ZMYM1: variants seen among roughly 807,000 people sequenced by gnomAD.
ZMYM1 encodes zinc finger MYM-type containing 1, also known as zinc finger MYM-type protein 1.
ZMYM1 carries 39 observed loss-of-function variants against 60.0 expected under a neutral mutation model. The observed-to-expected ratio is 0.65, with a 90% CI of 0.50 to 0.85. The LOEUF (loss-of-function observed/expected upper bound fraction) is 0.85, where lower values mean the gene tolerates loss of function less well. Ranked by LOEUF, ZMYM1 falls within the 40% of genes least tolerant of loss-of-function variation. The pLI, the probability that ZMYM1 is intolerant of heterozygous loss-of-function variation, is 0.00. For synonymous variants in ZMYM1, 413 were observed against 454.0 expected (o/e 0.91, Z 1.15); for missense variants, 1,171 against 1,309.5 (o/e 0.89, Z 1.63).
rs71029065 is a variant in ZMYM1, at chr1:35,089,738, C to CTTTTTTTTTTTTTTT, written c.-74-4165_-74-4151dup. 4.9e-5 allele frequency among the ~76,000 whole-genome samples: 3 copies of CTTTTTTTTTTTTTTT among 60,980 alleles called. 1 individual carries two copies. The highest frequency in any genetic ancestry group is 8.0e-5 in the Non-Finnish European group (3 of 37,500). 40.0% of individuals were successfully genotyped at this position (60,980 alleles called of 152,430 possible). On this transcript the variant is annotated intron_variant, in intron 1 of 9. Coordinates refer to ENST00000359858, the MANE Select transcript of ZMYM1 (RefSeq NM_024772.5). ...CCCTCCATAATGATTAGTTGTAAGGCTTTTTTTTTTTTTTTTTTTTTTTTT... is the reference window on the plus strand; with the variant it reads ...CCCTCCATAATGATTAGTTGTAAGGCTTTTTTTTTTTTTTTTTTTTTTTTTTTTTTTTTTTTTTTT...
upstream of ZMYM1, among the ~76,000 whole-genome samples, chr1:35,075,267 T>C (rs954437126): frequency 1.4e-4 from 22 of 152,302 alleles, no homozygotes; most frequent in African/African-American, 5.1e-4. Flanking sequence ...ACTTTGCTTG[T>C]GTTTGTCTTT....
In ZMYM1 at chr1:35,113,754, G is replaced by A. The variant is rs1424459063; in HGVS notation, c.1924G>A (p.Ala642Thr). The A allele has an allele frequency of 6.2e-7, 1 of 1,613,788 alleles. No homozygotes were observed. ...DIVNEINDSS[A>T]FSIICDETIN... ...TGTGAATGAGATCAATGACTCCTCA[G>A]CATTTTCAATCATATGTGATGAGAC... The change falls in exon 10 of 10, where the codon GCA (alanine) becomes ACA (threonine). Residue 642 changes from alanine (A) to threonine (T), a missense_variant. Physicochemically the swap from Ala to Thr is moderately conservative, Grantham distance 58. Transcript: ENST00000359858.
chr1:35,097,945 G>A (rs560449649), intron 4 of ZMYM1, among the ~76,000 whole-genome samples: 1 of 152,060 alleles, frequency 6.6e-6, no homozygotes, highest in African/African-American at 2.4e-5. Flanking sequence ...CACTGCGCCC[G>A]GCCATTTTCA....
intron 1 of ZMYM1, among the ~76,000 whole-genome samples, chr1:35,091,672 A>C (rs183456596): frequency 3.9e-3 from 586 of 151,260 alleles, no homozygotes; most frequent in Non-Finnish European, 6.4e-3. Flanking sequence ...AGGTGAGAGG[A>C]TCACTTGAGC....
In ZMYM1 at chr1:35,115,531, G is replaced by A. The variant is rs1015116653; in HGVS notation, c.*272G>A. The A allele has an allele frequency of 1.4e-5, 3 of 214,396 alleles. No homozygotes were observed. The highest frequency in any genetic ancestry group is 6.9e-5 in the African/African-American group (3 of 43,726). 13.3% of individuals were successfully genotyped at this position (214,396 alleles called of 1,614,324 possible). On this transcript the variant is annotated 3_prime_UTR_variant, in exon 10 of 10. Coordinates refer to ENST00000359858, the MANE Select transcript of ZMYM1 (RefSeq NM_024772.5). ...TTGAGATTGTCCCATGTCGTTACAT[G>A]AAGAGTTTCTTGATTCTTGGTCTAT...
rs145593366 is a variant in ZMYM1 at position 35,105,801 on chromosome 1, T to C, written c.807+1032T>C. 1.3e-3 allele frequency among the ~76,000 whole-genome samples: 202 copies of C among 152,240 alleles called. 1 individual carries two copies. Among genetic ancestry groups the C allele is most frequent in the African/African-American group, 4.5e-3 (185 of 41,544 alleles). On this transcript the variant is annotated intron_variant, in intron 6 of 9. Coordinates refer to ENST00000359858, the MANE Select transcript of ZMYM1 (RefSeq NM_024772.5). ...TTAATTTTTTTGTAGAGACAAGCTC[T>C]TACTATGTTGCCCAAGCTTGTCTTA...
intron 1 of ZMYM1, among the ~76,000 whole-genome samples, chr1:35,061,633 G>A (rs796219875): frequency 2.5e-4 from 38 of 151,320 alleles, no homozygotes; most frequent in African/African-American, 5.8e-4. Flanking sequence ...AAAATTAGCC[G>A]GGCATGGTGG....
intron 9 of ZMYM1, among the ~76,000 whole-genome samples, chr1:35,112,595 ATATAT>A (rs1405614081): frequency 1.4e-5 from 2 of 145,452 alleles, no homozygotes; most frequent in Admixed American, 7.0e-5. Context: ...TATATTTATT[ATATAT>A]TATATTTATA....
At chr1:35,073,794 A>C (rs548846971) in intron 1 of ZMYM1, among the ~76,000 whole-genome samples, 1 of 151,866 alleles carries the variant, frequency 6.6e-6, no homozygotes, top group Non-Finnish European at 1.5e-5. Flanking sequence ...TGTCCCTATG[A>C]TTTTGTGATG....
rs569275785 is a variant in ZMYM1 at position 35,108,414 on chromosome 1, C to T, written c.808-1880C>T. Among the ~76,000 whole-genome samples, 86 of 151,984 alleles carry T rather than the reference C, an allele frequency of 5.7e-4. 1 individual carries two copies. In the South Asian group the frequency reaches 0.015, roughly 26 times the overall value. On this transcript the variant is annotated intron_variant, in intron 6 of 9. Coordinates refer to ENST00000359858, the MANE Select transcript of ZMYM1 (RefSeq NM_024772.5). Reference sequence around the variant, plus strand: ...TTGCCCAGGCTGGCGTGCAATGGCACGATCTCAGCTCACTGCAACCTCCGC... The same window carrying T: ...TTGCCCAGGCTGGCGTGCAATGGCATGATCTCAGCTCACTGCAACCTCCGC...
intron 1 of ZMYM1, among the ~76,000 whole-genome samples, chr1:35,089,906 C>CT (rs750848210): frequency 0.029 from 3,627 of 126,640 alleles, 176 homozygotes; most frequent in African/African-American, 0.083. Flanking sequence ...ATATAAGGCT[C>CT]TTTTTTTTTT....
downstream of ZMYM1, among the ~76,000 whole-genome samples, chr1:35,118,762 T>TTCG (rs1057196021): frequency 1.3e-5 from 2 of 152,208 alleles, no homozygotes; most frequent in African/African-American, 4.8e-5. Flanking sequence ...TTGTTTTCTA[T>TTCG]TCTTGTAGTC....
At position 35,115,156 on chromosome 1, in the gene ZMYM1, C is replaced by A; in HGVS notation, c.3326C>A (p.Pro1109Gln). ...ATGGGACAAGAGAAGCTTACTGGCC[C>A]AGCCCTAATGGCTGTTGAGCAGGAG... ...NTMGQEKLTGPALMAVEQELV... is the reference protein window; with the variant it reads ...NTMGQEKLTGQALMAVEQELV... The change falls in exon 10 of 10, where the codon CCA becomes CAA. Residue 1109 changes from proline (P) to glutamine (Q), a missense_variant. Coordinates refer to ENST00000359858, the MANE Select transcript of ZMYM1 (RefSeq NM_024772.5). 6.2e-7 allele frequency: 1 copy of A among 1,614,100 alleles called. No homozygotes were observed.
At position 35,094,081 on chromosome 1, in the gene ZMYM1, C is replaced by G; in HGVS notation, c.94C>G (p.Gln32Glu). The change falls in exon 2 of 10, where the codon CAA (glutamine) becomes GAA (glutamate). Residue 32 changes from glutamine to glutamate, a missense_variant and splice_region_variant. Gln to Glu is a conservative substitution (Grantham distance 29). Coordinates refer to ENST00000359858, the MANE Select transcript of ZMYM1 (RefSeq NM_024772.5). ...AATTAAGACAGAACCCGACAATGCT[C>G]AAGTAAATATTTTCCCTTATTTCCA... is the stretch of plus-strand genomic sequence containing the variant. ...DEIKTEPDNAQEYCHRQQSRT... is the reference protein window; with the variant it reads ...DEIKTEPDNAEEYCHRQQSRT... 1 of 1,606,920 alleles carries G rather than the reference C, an allele frequency of 6.2e-7. No individual in the cohort carries two copies. Among genetic ancestry groups the G allele is most frequent in the Non-Finnish European group, 8.5e-7 (1 of 1,176,956 alleles).
In ZMYM1 at chr1:35,112,129, A is replaced by G. The variant is rs1191285875; in HGVS notation, c.1145A>G (p.Asp382Gly). ...ACAGCAACAGCAGATGTCATTGTGG[A>G]TGTAAGTTTTAACTTTTTTTACCAC... is the stretch of plus-strand genomic sequence containing the variant. ...SVTATADVIV[D>G]LSKSSPSEPS... The change falls in exon 9 of 10, where the codon GAT (aspartate) becomes GGT (glycine). Residue 382 changes from aspartate to glycine, a missense_variant and splice_region_variant. Physicochemically the swap from Asp to Gly is moderately conservative, Grantham distance 94. Transcript: ENST00000359858. The G allele has an allele frequency of 5.0e-6, 8 of 1,613,286 alleles. No homozygotes were observed. The highest frequency in any genetic ancestry group is 1.3e-5 in the African/African-American group (1 of 74,990).
chr1:35,107,189 G>C (rs1286908946), intron 6 of ZMYM1, among the ~76,000 whole-genome samples: 2 of 149,320 alleles, frequency 1.3e-5, no homozygotes, highest in Admixed American at 1.3e-4. Context: ...TGCCGGGCAC[G>C]GTGGGTCACG....
chr1:35,066,162 T>C (rs1225882439), intron 1 of ZMYM1, among the ~76,000 whole-genome samples: 1 of 152,200 alleles, frequency 6.6e-6, no homozygotes, highest in East Asian at 1.9e-4. Flanking sequence ...AAAAACCAAT[T>C]GTATTTTTAT....
chr1:35,081,592 T>C (rs1642390163), intron 1 of ZMYM1, among the ~76,000 whole-genome samples: 1 of 152,232 alleles, frequency 6.6e-6, no homozygotes, highest in South Asian at 2.1e-4. Context: ...TGTAGAGTTC[T>C]TTAATAGCTT....
intron 1 of ZMYM1, among the ~76,000 whole-genome samples, chr1:35,091,723 C>G (rs1345511489): frequency 1.3e-5 from 2 of 148,860 alleles, no homozygotes; most frequent in Non-Finnish European, 3.0e-5. Flanking sequence ...AGGGAAACAC[C>G]TTCTCTACAA....
Sources: allele counts gnomAD v4.1 joint callset (sites outside exome capture counted in the v4.1 genomes callset), GRCh38; gene constraint gnomAD v4.1.1; transcripts MANE v1.5; gene names NCBI Gene and HGNC (gene_info 2026-07-23, HGNC 2026-07-21).